Variants in TRPC4 observed in about 807,000 individuals in gnomAD.
TRPC4 encodes the protein short transient receptor potential channel 4.
Under a neutral mutation model 99.4 loss-of-function variants are expected in TRPC4, and 49 were observed. The ratio of observed to expected loss-of-function variants is 0.49; its 90% CI spans 0.39 to 0.63. TRPC4 has a LOEUF of 0.63. Ranked by LOEUF, TRPC4 falls within the 20% of genes least tolerant of loss-of-function variation. The pLI, the probability that TRPC4 is intolerant of heterozygous loss-of-function variation, is 0.00. For synonymous variants in TRPC4, 454 were observed against 425.9 expected, an observed-to-expected ratio of 1.07 and a Z score of -0.81; for missense variants, 898 against 1,152.9, an observed-to-expected ratio of 0.78 and a Z score of 3.20.
At chr13:37,823,642 G>A (rs1312471789) in intron 1 of TRPC4, among the ~76,000 whole-genome samples, 1 of 150,746 alleles carries the variant, frequency 6.6e-6, no homozygotes, top group Non-Finnish European at 1.5e-5. Context: ...TCTCTGTTTT[G>A]GTACCAGTAC....
At chr13:37,750,723 C>T (rs35989386) in intron 2 of TRPC4, among the ~76,000 whole-genome samples, 53,088 of 151,790 alleles carry the variant, frequency 0.35, 11,124 homozygotes, top group Non-Finnish European at 0.48. Flanking sequence ...TAGGTATACA[C>T]GTGCCATGGT....
chr13:37,827,455 G>A (rs1401276918), intron 1 of TRPC4, among the ~76,000 whole-genome samples: 6 of 152,080 alleles, frequency 3.9e-5, no homozygotes, highest in Admixed American at 6.5e-5. Flanking sequence ...TTTTTGGTGT[G>A]GGTGTCCTTT....
At chr13:37,780,006 C>A (rs1268740972) in intron 2 of TRPC4, among the ~76,000 whole-genome samples, 1 of 151,902 alleles carries the variant, frequency 6.6e-6, no homozygotes. Flanking sequence ...TCCCATGATA[C>A]TTTTCTTTTC....
intron 5 of TRPC4, among the ~76,000 whole-genome samples, chr13:37,666,446 T>TAA (rs771955536): frequency 1.3e-5 from 2 of 152,240 alleles, no homozygotes; most frequent in Non-Finnish European, 2.9e-5. Context: ...TTAAGAGATA[T>TAA]AAATATGAAG....
intron 1 of TRPC4, among the ~76,000 whole-genome samples, chr13:37,868,074 CTAA>C (rs1959888126): frequency 6.6e-6 from 1 of 152,028 alleles, no homozygotes; most frequent in South Asian, 2.1e-4. Context: ...TCTTACTGGT[CTAA>C]TAATTAAAAT....
chr13:37,788,971 A>G (rs1420202962), intron 1 of TRPC4, among the ~76,000 whole-genome samples: 6 of 152,108 alleles, frequency 3.9e-5, no homozygotes, highest in Non-Finnish European at 8.8e-5. Flanking sequence ...GTTGATGTTC[A>G]TCATCTTTTA....
intron 5 of TRPC4, among the ~76,000 whole-genome samples, chr13:37,665,892 C>T (rs1952632528): frequency 7.0e-6 from 1 of 142,302 alleles, no homozygotes; most frequent in African/African-American, 2.6e-5. Context: ...TCCATTTTTA[C>T]AGATTCTGCC....
chr13:37,732,653 T>C (rs1955276076), intron 3 of TRPC4, among the ~76,000 whole-genome samples: 1 of 152,088 alleles, frequency 6.6e-6, no homozygotes, highest in Non-Finnish European at 1.5e-5. Context: ...CAAAAATCAG[T>C]AGCGCTTCTA....
chr13:37,819,324 C>T (rs368545175), intron 1 of TRPC4, among the ~76,000 whole-genome samples: 3 of 152,026 alleles, frequency 2.0e-5, no homozygotes, highest in Non-Finnish European at 4.4e-5. Context: ...AATCCCATTA[C>T]TGGGTATATA....
At chr13:37,708,422 T>C (rs1239906285) in intron 3 of TRPC4, among the ~76,000 whole-genome samples, 1 of 152,072 alleles carries the variant, frequency 6.6e-6, no homozygotes, top group Non-Finnish European at 1.5e-5. Context: ...TCAAAATATT[T>C]ACTTATATTT....
intron 1 of TRPC4, among the ~76,000 whole-genome samples, chr13:37,858,682 A>G (rs1959194513): frequency 6.6e-6 from 1 of 151,660 alleles, no homozygotes. Flanking sequence ...GACAGCACAG[A>G]AAGACAAGTA....
At position 37,637,298 on chromosome 13, in the gene TRPC4, A is replaced by T. The variant is rs151049307; in HGVS notation, c.2539T>A (p.Leu847Ile). Residue 847 changes from leucine to isoleucine, a missense_variant, in exon 11 of 11, where the codon TTA becomes ATA. Physicochemically the swap from Leu to Ile is conservative, Grantham distance 5 (BLOSUM62 2). This residue lies in a region of TRPC4 where 346 missense variants were observed against 351.4 expected (regional missense o/e 0.98). Transcript: ENST00000379705. ...TTTTGTTTTGATCGTCTATGAAATA[A>T]CCCAAAGTTTTTGATATCGGTCACA... Reference protein sequence around the residue: ...NFVTDIKNFGLFHRRSKQNAA... With the variant: ...NFVTDIKNFGIFHRRSKQNAA... 36 of 1,613,656 alleles carry T rather than the reference A, an allele frequency of 2.2e-5. No individual in the cohort carries two copies. Among genetic ancestry groups the T allele is most frequent in the Non-Finnish European group, 3.0e-5 (35 of 1,179,878 alleles).
chr13:37,776,586 A>G (rs1175624837), intron 2 of TRPC4, among the ~76,000 whole-genome samples: 1 of 151,956 alleles, frequency 6.6e-6, no homozygotes, highest in Non-Finnish European at 1.5e-5. Context: ...AAAAACAAAT[A>G]GAAAGGAGTA....
At chr13:37,710,923 G>A (rs1954462640) in intron 3 of TRPC4, among the ~76,000 whole-genome samples, 2 of 151,962 alleles carry the variant, frequency 1.3e-5, no homozygotes, top group Non-Finnish European at 3.0e-5. Context: ...CCTATATGAT[G>A]CTGTATAATT....
At chr13:37,804,873 A>T (rs1957491391) in intron 1 of TRPC4, among the ~76,000 whole-genome samples, 1 of 152,104 alleles carries the variant, frequency 6.6e-6, no homozygotes, top group Non-Finnish European at 1.5e-5. Flanking sequence ...CACATAAAAG[A>T]TAATTAAAAT....
At chr13:37,825,840 G>A (rs1318432608) in intron 1 of TRPC4, among the ~76,000 whole-genome samples, 1 of 151,782 alleles carries the variant, frequency 6.6e-6, no homozygotes, top group Middle Eastern at 3.2e-3. Context: ...TTGACTTTCT[G>A]TCTCATTGAT....
intron 9 of TRPC4, 51 bp downstream of exon 9, chr13:37,639,207 C>A (rs1371912326): frequency 6.2e-7 from 1 of 1,612,410 alleles, no homozygotes; most frequent in Non-Finnish European, 8.5e-7. Context: ...GAAGGGGGGA[C>A]TGCATTTTAT....
intron 7 of TRPC4, among the ~76,000 whole-genome samples, chr13:37,653,782 C>G (rs1433065465): frequency 6.6e-6 from 1 of 152,042 alleles, no homozygotes; most frequent in African/African-American, 2.4e-5. Context: ...TTAAAAGATC[C>G]AAATTGCTGG....
intron 3 of TRPC4, among the ~76,000 whole-genome samples, chr13:37,712,920 G>C (rs1168836480): frequency 6.6e-6 from 1 of 152,148 alleles, no homozygotes; most frequent in African/African-American, 2.4e-5. Flanking sequence ...TTCCAACATT[G>C]AAGATGCACA....
Sources: gnomAD v4.1 joint callset for allele counts (sites outside exome capture counted in the v4.1 genomes callset) on GRCh38, gnomAD v4.1.1 for gene constraint, gnomAD v4.1.1 regional missense constraint, MANE v1.5 for transcripts, NCBI Gene and HGNC (gene_info 2026-07-23, HGNC 2026-07-21) for gene names.